The following SH3GL2 variants were observed in gnomAD, a reference collection of about 807,000 sequenced individuals.
The protein encoded by SH3GL2 is SH3 domain containing GRB2 like 2, endophilin A1.
A neutral mutation model predicts 46.0 loss-of-function variants in SH3GL2; 24 were observed. The observed-to-expected ratio is 0.52, with a 90% CI of 0.38 to 0.73. SH3GL2 has a LOEUF of 0.73. SH3GL2 is among the 30% of genes least tolerant of loss of function. SH3GL2 has a pLI of 0.00. For synonymous variants in SH3GL2, 196 were observed against 147.1 expected (o/e 1.33, Z -2.40); for missense variants, 413 against 424.2 (o/e 0.97, Z 0.23).
intron 1 of SH3GL2, 25 bp downstream of exon 1, chr9:17,579,312 C>T (rs200192507): frequency 1.9e-5 from 28 of 1,507,162 alleles, no homozygotes; most frequent in Non-Finnish European, 2.4e-5. Flanking sequence ...AGGTGCGTCC[C>T]GGGGCAGTCC....
chr9:17,688,841 T>C (rs1489262164), intron 1 of SH3GL2, among the ~76,000 whole-genome samples: 1 of 151,982 alleles, frequency 6.6e-6, no homozygotes, highest in Non-Finnish European at 1.5e-5. Flanking sequence ...ATGGGATAAA[T>C]TAATAAATGG....
chr9:17,622,986 G>GTTTCCTTTCCTTTCCTTTCCTTTCC lies in SH3GL2; in HGVS notation c.45+43732_45+43756dup, dbSNP rs1210987554. On this transcript the variant is annotated intron_variant, in intron 1 of 8. Coordinates refer to ENST00000380607, the MANE Select transcript of SH3GL2 (RefSeq NM_003026.5). ...CTCCCTTTTCCTTTCGTTTCCTTTC[G>GTTTCCTTTCCTTTCCTTTCCTTTCC]TTTCCTTTCCTTTCCTTTCCTTTCC... 4.2e-3 allele frequency among the ~76,000 whole-genome samples: 421 copies of GTTTCCTTTCCTTTCCTTTCCTTTCC among 99,062 alleles called. 18 individuals carry two copies. Among genetic ancestry groups the GTTTCCTTTCCTTTCCTTTCCTTTCC allele is most frequent in the South Asian group, 0.012 (36 of 3,062 alleles). 65.0% of individuals were successfully genotyped at this position (99,062 alleles called of 152,430 possible). A position where few individuals can be genotyped will look rare whatever the true frequency, so the allele number is the denominator to read the frequency against.
At chr9:17,714,658 C>T (rs1186525967) in intron 1 of SH3GL2, among the ~76,000 whole-genome samples, 1 of 151,750 alleles carries the variant, frequency 6.6e-6, no homozygotes, top group African/African-American at 2.4e-5. Flanking sequence ...ATTTCTGTCT[C>T]TCTTGGCCTT....
chr9:17,788,963 T>A (rs1588338461), intron 5 of SH3GL2, among the ~76,000 whole-genome samples: 1 of 152,224 alleles, frequency 6.6e-6, no homozygotes, highest in Non-Finnish European at 1.5e-5. Flanking sequence ...TCTCACTTAA[T>A]TTCAAGGAAA....
At chr9:17,580,990 T>C (rs1818266994) in intron 1 of SH3GL2, among the ~76,000 whole-genome samples, 1 of 152,208 alleles carries the variant, frequency 6.6e-6, no homozygotes, top group Non-Finnish European at 1.5e-5. Flanking sequence ...AGTATTTAAC[T>C]TCTGAACCTG....
chr9:17,688,407 G>T (rs1472249207), intron 1 of SH3GL2, among the ~76,000 whole-genome samples: 1 of 152,104 alleles, frequency 6.6e-6, no homozygotes, highest in Non-Finnish European at 1.5e-5. Flanking sequence ...GTAACGTACT[G>T]TTTAACAGGT....
At chr9:17,768,614 T>C (rs1823386447) in intron 3 of SH3GL2, among the ~76,000 whole-genome samples, 1 of 152,078 alleles carries the variant, frequency 6.6e-6, no homozygotes, top group South Asian at 2.1e-4. Context: ...CTGTGGCCTT[T>C]AGTTTCTTCA....
At chr9:17,707,738 A>G (rs961986287) in intron 1 of SH3GL2, among the ~76,000 whole-genome samples, 4 of 152,088 alleles carry the variant, frequency 2.6e-5, no homozygotes, top group African/African-American at 9.7e-5. Context: ...CTTTACAGCT[A>G]TTAGACCTTA....
chr9:17,796,916 T>A lies in SH3GL2; in HGVS notation c.*1173T>A, dbSNP rs1207760955. 2 of 152,666 alleles carry A rather than the reference T, an allele frequency of 1.3e-5. No homozygotes were observed. The highest frequency in any genetic ancestry group is 2.9e-5 in the Non-Finnish European group (2 of 68,060). The allele number at this position is 152,666 out of a possible 1,614,324, so 9.5% of individuals were successfully genotyped here. On this transcript the variant is annotated 3_prime_UTR_variant, in exon 9 of 9. Transcript: ENST00000380607. ...GTGTAAGCTTATCAGTGTGTTTTTT[T>A]ATTTGTATCAGTCATGAAAGTCCTG...
intron 1 of SH3GL2, among the ~76,000 whole-genome samples, chr9:17,640,863 A>G (rs10963181): frequency 0.039 from 5,970 of 152,270 alleles, 164 homozygotes; most frequent in African/African-American, 0.058. Flanking sequence ...TTTTCTTTCA[A>G]CATGCCTAAT....
intron 1 of SH3GL2, among the ~76,000 whole-genome samples, chr9:17,591,803 T>C (rs986707842): frequency 6.6e-6 from 1 of 152,226 alleles, no homozygotes; most frequent in South Asian, 2.1e-4. Context: ...TACTGGTTGC[T>C]GCTGTGAATG....
intron 1 of SH3GL2, among the ~76,000 whole-genome samples, chr9:17,622,966 T>TTTTCCTTTCGTTTCCTTTCG (rs796159653): frequency 1.1e-5 from 1 of 87,204 alleles, no homozygotes; most frequent in African/African-American, 3.9e-5. Context: ...CCTCCCTCCC[T>TTTTCCTTTCGTTTCCTTTCG]TTTCCTTTCG....
At chr9:17,625,630 A>G (rs550951356) in intron 1 of SH3GL2, among the ~76,000 whole-genome samples, 1 of 152,356 alleles carries the variant, frequency 6.6e-6, no homozygotes, top group African/African-American at 2.4e-5. Context: ...AAGAGCTAGT[A>G]AGTGGCAGAA....
chr9:17,591,935 A>G (rs931796342), intron 1 of SH3GL2, among the ~76,000 whole-genome samples: 1 of 152,192 alleles, frequency 6.6e-6, no homozygotes, highest in Non-Finnish European at 1.5e-5. Context: ...ATCTGTATTC[A>G]TGTTTACTGA....
intron 1 of SH3GL2, among the ~76,000 whole-genome samples, chr9:17,731,581 A>G (rs1822183763): frequency 6.6e-6 from 1 of 152,148 alleles, no homozygotes; most frequent in Admixed American, 6.6e-5. Flanking sequence ...CCAAAAACCA[A>G]CCATGTTGGC....
intron 8 of SH3GL2, 124 bp from the exon 9 acceptor site, chr9:17,795,420 A>G (rs2131198286): frequency 1.5e-6 from 1 of 684,232 alleles, no homozygotes. Context: ...TTCAACAGGA[A>G]GAGGAATGAG....
intron 1 of SH3GL2, among the ~76,000 whole-genome samples, chr9:17,599,004 T>A (rs1818622845): frequency 6.6e-6 from 1 of 152,214 alleles, no homozygotes; most frequent in Admixed American, 6.5e-5. Flanking sequence ...CAATAAGTAG[T>A]ACATTGTGGT....
At chr9:17,597,022 A>G (rs1422577751) in intron 1 of SH3GL2, among the ~76,000 whole-genome samples, 7 of 152,274 alleles carry the variant, frequency 4.6e-5, no homozygotes, top group African/African-American at 1.7e-4. Flanking sequence ...TCATTTCTAG[A>G]GTGAAGCTAA....
At chr9:17,690,916 C>G (rs1281167987) in intron 1 of SH3GL2, among the ~76,000 whole-genome samples, 2 of 152,142 alleles carry the variant, frequency 1.3e-5, no homozygotes, top group East Asian at 1.9e-4. Context: ...GGGTTACAGA[C>G]ATAGTGATTA....
Sources: allele counts gnomAD v4.1 joint callset (sites outside exome capture counted in the v4.1 genomes callset), GRCh38; gene constraint gnomAD v4.1.1; transcripts MANE v1.5; gene names NCBI Gene and HGNC (gene_info 2026-07-23, HGNC 2026-07-21).